The following SLC9A2 variants were observed in gnomAD, a reference collection of about 807,000 sequenced individuals.
SLC9A2 encodes the protein sodium/hydrogen exchanger 2.
SLC9A2 carries 42 observed loss-of-function variants against 71.7 expected under a neutral mutation model. The observed-to-expected ratio is 0.59, with a 90% CI of 0.46 to 0.76. The LOEUF (loss-of-function observed/expected upper bound fraction) is 0.76, where lower values mean the gene tolerates loss of function less well. Among genes scored for constraint, SLC9A2 ranks in the 30% least tolerant of loss-of-function variants. The pLI, the probability that SLC9A2 is intolerant of heterozygous loss-of-function variation, is 0.00. For missense variants in SLC9A2, 829 were observed against 1,017.4 expected, an observed-to-expected ratio of 0.81 and a Z score of 2.52; for synonymous variants, 396 against 392.5, an observed-to-expected ratio of 1.01 and a Z score of -0.10.
intron 7 of SLC9A2, among the ~76,000 whole-genome samples, chr2:102,698,242 C>A (rs1321015236): frequency 6.6e-6 from 1 of 152,114 alleles, no homozygotes; most frequent in Non-Finnish European, 1.5e-5. Flanking sequence ...CAGCCAAAAA[C>A]CAAGCACATT....
intron 6 of SLC9A2, 44 bp from the exon 7 acceptor site, chr2:102,694,999 T>C: frequency 6.6e-7 from 1 of 1,517,856 alleles, no homozygotes; most frequent in Non-Finnish European, 9.1e-7. Context: ...AAATTATTGA[T>C]TTCAGGTAAA....
chr2:102,621,840 C>A (rs1676145451), intron 1 of SLC9A2, among the ~76,000 whole-genome samples: 1 of 152,112 alleles, frequency 6.6e-6, no homozygotes, highest in Non-Finnish European at 1.5e-5. Context: ...CCAGGATGAC[C>A]AGGATCTGGT....
chr2:102,645,042 A>G (rs1268829030), intron 1 of SLC9A2, among the ~76,000 whole-genome samples: 1 of 152,138 alleles, frequency 6.6e-6, no homozygotes, highest in Non-Finnish European at 1.5e-5. Flanking sequence ...CACCTCATAC[A>G]GGGGAGCTCT....
rs1437729490 is a variant in SLC9A2, at chr2:102,701,065, T to C, written c.1587-5T>C. ...TTAATTTATTGAAAGTTTCTTTATTTACAGGTTTAAGAAGTTTGATGATAA... is the reference window on the plus strand; with the variant it reads ...TTAATTTATTGAAAGTTTCTTTATTCACAGGTTTAAGAAGTTTGATGATAA... On this transcript the variant is annotated splice_region_variant and splice_polypyrimidine_tract_variant and intron_variant, in intron 7 of 11. Coordinates refer to ENST00000233969, the MANE Select transcript of SLC9A2 (RefSeq NM_003048.6). 6.4e-7 allele frequency: 1 copy of C among 1,573,228 alleles called. No homozygotes were observed. The highest frequency in any genetic ancestry group is 1.4e-5 in the African/African-American group (1 of 72,690).
At chr2:102,669,142 AG>A (rs1558714246) in intron 3 of SLC9A2, among the ~76,000 whole-genome samples, 1 of 152,188 alleles carries the variant, frequency 6.6e-6, no homozygotes, top group Non-Finnish European at 1.5e-5. Context: ...CATAAGACTG[AG>A]GTTTTATAGG....
At chr2:102,698,246 G>A (rs10182913) in intron 7 of SLC9A2, among the ~76,000 whole-genome samples, 2,696 of 152,278 alleles carry the variant, frequency 0.018, 77 homozygotes, top group African/African-American at 0.06. Flanking sequence ...CAAAAACCAA[G>A]CACATTCAGG....
intron 1 of SLC9A2, among the ~76,000 whole-genome samples, chr2:102,622,867 T>A (rs1405655403): frequency 6.6e-6 from 1 of 152,206 alleles, no homozygotes. Context: ...GGCTGCCACC[T>A]GTCTCTCTTT....
rs1237700698 is a variant in SLC9A2, at chr2:102,708,756, C to T, written c.*267C>T. 8.1e-6 allele frequency: 3 copies of T among 372,422 alleles called. No homozygotes were observed. The highest frequency in any genetic ancestry group is 6.3e-5 in the African/African-American group (3 of 47,864). The allele number at this position is 372,422 out of a possible 1,614,324, so 23.1% of individuals were successfully genotyped here. A position where few individuals can be genotyped will look rare whatever the true frequency, so the allele number is the denominator to read the frequency against. On this transcript the variant is annotated 3_prime_UTR_variant, in exon 12 of 12. Coordinates refer to ENST00000233969, the MANE Select transcript of SLC9A2 (RefSeq NM_003048.6). ...TGAAGAGAAAAAATGGTAATGTGTGCCTTTATTGAACTTGAATGACAGAAC... is the reference window on the plus strand; with the variant it reads ...TGAAGAGAAAAAATGGTAATGTGTGTCTTTATTGAACTTGAATGACAGAAC...
intron 3 of SLC9A2, among the ~76,000 whole-genome samples, chr2:102,673,897 C>G (rs916385663): frequency 6.6e-6 from 1 of 151,716 alleles, no homozygotes; most frequent in Non-Finnish European, 1.5e-5. Flanking sequence ...TGCCCATTCT[C>G]CTGCCTCAGC....
Position 102,632,173 on chromosome 2 carries a change from TATAC to T in SLC9A2, c.289+12044_289+12047del, listed in dbSNP as rs1294073842. Among the ~76,000 whole-genome samples the T allele has an allele frequency of 7.9e-4, 105 of 132,772 alleles. 3 individuals carry two copies. The highest frequency in any genetic ancestry group is 3.1e-3 in the African/African-American group (98 of 31,412). The allele number at this position is 132,772 out of a possible 152,430, so 87.1% of individuals were successfully genotyped here. On this transcript the variant is annotated intron_variant, in intron 1 of 11. Coordinates refer to ENST00000233969, the MANE Select transcript of SLC9A2 (RefSeq NM_003048.6). ...ATATATACACATATATACACATATA[TATAC>T]ATACATATATATATAAATGAAAGTG... is the stretch of plus-strand genomic sequence containing the variant.
intron 1 of SLC9A2, among the ~76,000 whole-genome samples, chr2:102,657,212 A>C (rs1438437497): frequency 6.6e-6 from 1 of 151,850 alleles, no homozygotes; most frequent in Non-Finnish European, 1.5e-5. Flanking sequence ...TCTCAAAAAA[A>C]AAAATAATAA....
At chr2:102,672,751 G>A (rs991289292) in intron 3 of SLC9A2, among the ~76,000 whole-genome samples, 7 of 152,208 alleles carry the variant, frequency 4.6e-5, no homozygotes, top group Middle Eastern at 3.4e-3. Context: ...GCAGGAATGA[G>A]CAGCGTACTT....
At chr2:102,650,287 G>A (rs1676806382) in intron 1 of SLC9A2, among the ~76,000 whole-genome samples, 1 of 152,124 alleles carries the variant, frequency 6.6e-6, no homozygotes, top group African/African-American at 2.4e-5. Context: ...TATAGACACA[G>A]AGAGGGCCTT....
chr2:102,656,673 C>T (rs1306015011), intron 1 of SLC9A2, among the ~76,000 whole-genome samples: 3 of 152,080 alleles, frequency 2.0e-5, no homozygotes, highest in South Asian at 2.1e-4. Flanking sequence ...AAGAATCAGA[C>T]GTTAAAAATA....
In SLC9A2 at chr2:102,657,810, G is replaced by T; in HGVS notation, c.536G>T (p.Trp179Leu). The T allele has an allele frequency of 6.2e-7, 1 of 1,614,168 alleles. No homozygotes were observed. The highest frequency in any genetic ancestry group is 1.1e-5 in the South Asian group (1 of 91,080). The change falls in exon 2 of 12, where the codon TGG (tryptophan) becomes TTG (leucine). Residue 179 changes from tryptophan to leucine, a missense_variant. Trp to Leu is a moderately conservative substitution (Grantham distance 61). This residue lies in a region of SLC9A2 where 500 missense variants were observed against 726.3 expected (regional missense o/e 0.69). Transcript: ENST00000233969. ...TGGTATGCTGTGGTAGGGACACTTT[G>T]GAATTCCATTGGCATTGGGGTGTCT... ...IFWYAVVGTL[W>L]NSIGIGVSLF...
At chr2:102,663,186 A>G (rs1677078620) in intron 2 of SLC9A2, among the ~76,000 whole-genome samples, 1 of 152,178 alleles carries the variant, frequency 6.6e-6, no homozygotes, top group Non-Finnish European at 1.5e-5. Flanking sequence ...CTGGCAAACA[A>G]TGATGCCTTT....
In SLC9A2 at chr2:102,705,831, A is replaced by C. The variant is rs768499706; in HGVS notation, c.1978-15A>C. The C allele has an allele frequency of 3.3e-6, 5 of 1,511,058 alleles. No homozygotes were observed. The highest frequency in any genetic ancestry group is 1.9e-5 in the Admixed American group (1 of 52,308). 93.6% of individuals were successfully genotyped at this position (1,511,058 alleles called of 1,614,324 possible). A position where few individuals can be genotyped will look rare whatever the true frequency, so the allele number is the denominator to read the frequency against. On this transcript the variant is annotated splice_polypyrimidine_tract_variant and intron_variant, in intron 10 of 11. Coordinates refer to ENST00000233969, the MANE Select transcript of SLC9A2 (RefSeq NM_003048.6). ...ATTTGTATAGTTTAAGTAAGATTTT[A>C]TATTTCTTTTACAGGCTTCCACTTC...
intron 1 of SLC9A2, among the ~76,000 whole-genome samples, chr2:102,650,509 G>T (rs1252324309): frequency 6.6e-6 from 1 of 151,992 alleles, no homozygotes; most frequent in African/African-American, 2.4e-5. Context: ...AATTAAAAAA[G>T]AATTATTTTC....
chr2:102,657,145 G>T (rs1469941211), intron 1 of SLC9A2, among the ~76,000 whole-genome samples: 1 of 151,762 alleles, frequency 6.6e-6, no homozygotes, highest in Non-Finnish European at 1.5e-5. Context: ...GGCAGAGGTT[G>T]CAGTGAGCCG....
Sources: gnomAD v4.1 joint callset for allele counts (sites outside exome capture counted in the v4.1 genomes callset) on GRCh38, gnomAD v4.1.1 for gene constraint, gnomAD v4.1.1 regional missense constraint, MANE v1.5 for transcripts, NCBI Gene and HGNC (gene_info 2026-07-23, HGNC 2026-07-21) for gene names.